PIKFYVE: variants seen among roughly 807,000 people sequenced by gnomAD.
PIKFYVE encodes 1-phosphatidylinositol 3-phosphate 5-kinase.
In PIKFYVE, 122 loss-of-function variants were observed where a neutral mutation model predicts 257.9. That is an observed-to-expected ratio of 0.47 (90% CI 0.41 to 0.55). The LOEUF is 0.55. PIKFYVE is among the 20% of genes least tolerant of loss of function. The pLI is 0.00. For synonymous variants in PIKFYVE, 892 were observed against 868.9 expected, an observed-to-expected ratio of 1.03 and a Z score of -0.47; for missense variants, 2,160 against 2,536.6, an observed-to-expected ratio of 0.85 and a Z score of 3.19.
chr2:208,291,241 G>A (rs2885786), intron 7 of PIKFYVE, among the ~76,000 whole-genome samples: 141,554 of 152,204 alleles, frequency 0.93, 66,347 homozygotes, highest in Non-Finnish European at 0.98. Flanking sequence ...TGCTTTTTCT[G>A]TATCAATGAC....
At position 208,333,853 on chromosome 2, in the gene PIKFYVE, C is replaced by T. The variant is rs575587973; in HGVS notation, c.4142+360C>T. Among the ~76,000 whole-genome samples, 4 of 152,080 alleles carry T rather than the reference C, an allele frequency of 2.6e-5. No individual in the cohort carries two copies. In the South Asian group the frequency reaches 8.3e-4, roughly 32 times the overall value. On this transcript the variant is annotated intron_variant, in intron 24 of 41. Transcript: ENST00000264380. The stretch of plus-strand genomic sequence containing the variant: ...ATATGAGACAGGATCTCACTGTTAC[C>T]CAGGCTGGTCTTGAAGTGTGCTCAA...
chr2:208,306,835 T>A (rs2125382897), intron 12 of PIKFYVE, among the ~76,000 whole-genome samples: 1 of 151,504 alleles, frequency 6.6e-6, no homozygotes, highest in East Asian at 1.9e-4. Context: ...TGGAGTGCAG[T>A]GGCGCGATCT....
intron 3 of PIKFYVE, among the ~76,000 whole-genome samples, chr2:208,275,000 G>T (rs1168835549): frequency 1.3e-5 from 2 of 152,144 alleles, no homozygotes; most frequent in Non-Finnish European, 2.9e-5. Context: ...TCTCCAGGTG[G>T]AGCCTTTACT....
At chr2:208,309,949 AAGAAGATAATTATTAAATTG>A (rs1259229343) in intron 12 of PIKFYVE, among the ~76,000 whole-genome samples, 1 of 152,248 alleles carries the variant, frequency 6.6e-6, no homozygotes, top group Non-Finnish European at 1.5e-5. Context: ...CAGCATTAGG[AAGAAGATAATTATTAAATTG>A]ACCTCTTAGG....
chr2:208,301,270 A>G (rs111981590), intron 9 of PIKFYVE, among the ~76,000 whole-genome samples, 176 bp downstream of exon 9: 120 of 152,306 alleles, frequency 7.9e-4, no homozygotes, highest in African/African-American at 2.6e-3. Flanking sequence ...TTTAACCAGC[A>G]GAGAACAGAT....
chr2:208,325,315 T>G lies in PIKFYVE; in HGVS notation c.2504T>G (p.Leu835Arg). Residue 835 changes from leucine to arginine, a missense_variant, in exon 20 of 42, where the codon CTA (leucine) becomes CGA (arginine). Leu to Arg is a moderately radical substitution (Grantham distance 102). Transcript: ENST00000264380. ...LMFFEGCPQH[L>R]GCTIKLRGGS... ...TTTTTTGAAGGTTGTCCACAGCACC[T>G]AGGCTGTACAATCAAGCTAAGAGGA... 6.2e-7 allele frequency: 1 copy of G among 1,614,160 alleles called. No individual in the cohort carries two copies.
At chr2:208,277,189 A>G (rs186385587) in intron 4 of PIKFYVE, among the ~76,000 whole-genome samples, 1 of 152,230 alleles carries the variant, frequency 6.6e-6, no homozygotes, top group Admixed American at 6.5e-5. Flanking sequence ...TTTTGAAAAG[A>G]CCATCTTTCA....
At chr2:208,324,582 G>A (rs6435445) in intron 18 of PIKFYVE, among the ~76,000 whole-genome samples, 141,842 of 152,148 alleles carry the variant, frequency 0.93, 66,600 homozygotes, top group Non-Finnish European at 0.98. Context: ...TCAAGCAGAA[G>A]ACGTTCTCTC....
chr2:208,283,068 CTCGGT>C (rs1691047245), intron 5 of PIKFYVE, among the ~76,000 whole-genome samples: 1 of 152,130 alleles, frequency 6.6e-6, no homozygotes, highest in Admixed American at 6.5e-5. Flanking sequence ...TGCTGTGCGG[CTCGGT>C]TCCTAACAGG....
rs151172579 is a variant in PIKFYVE, at chr2:208,302,308, C to T, written c.1275C>T (p.His425=). 2.2e-5 allele frequency: 35 copies of T among 1,614,108 alleles called. No individual in the cohort carries two copies. Among genetic ancestry groups the T allele is most frequent in the Admixed American group, 5.0e-5 (3 of 60,016 alleles). The change falls in exon 10 of 42, where the codon CAC becomes CAT. Residue 425 remains histidine, a synonymous_variant. Coordinates refer to ENST00000264380, the MANE Select transcript of PIKFYVE (RefSeq NM_015040.4). ...GTTGGCTGGATTGTGTTAGTCATCA[C>T]GACCAGCTTTTCAGAGATGAGTATG... is the stretch of plus-strand genomic sequence containing the variant. The part of the protein sequence containing the change: ...DGRWLDCVSH[H]DQLFRDEYAL...
chr2:208,273,916 A>AT (rs368767594), intron 3 of PIKFYVE, 183 bp downstream of exon 3: 1 of 1,415,396 alleles, frequency 7.1e-7, no homozygotes, highest in African/African-American at 1.4e-5. Flanking sequence ...GAAAGAATTT[A>AT]TTGACACCTG....
Position 208,325,524 on chromosome 2 carries a change from C to A in PIKFYVE, c.2713C>A (p.Gln905Lys). 6.2e-7 allele frequency: 1 copy of A among 1,614,174 alleles called. No individual in the cohort carries two copies. ...GRGHEGAVQE[Q>K]YGGGSIPWDP... ...AGGGCATGAGGGGGCTGTCCAAGAG[C>A]AGTACGGTGGAGGTTCCATCCCCTG... Residue 905 changes from glutamine (Q) to lysine (K), a missense_variant, in exon 20 of 42, where the codon CAG becomes AAG. Gln to Lys is a moderately conservative substitution (Grantham distance 53). This residue lies in a region of PIKFYVE where 522 missense variants were observed against 514.6 expected (regional missense o/e 1.01). Transcript: ENST00000264380.
chr2:208,281,734 C>G (rs995455943), intron 5 of PIKFYVE, among the ~76,000 whole-genome samples: 1 of 152,202 alleles, frequency 6.6e-6, no homozygotes. Context: ...AAAGAAGACT[C>G]AGAATTTTGG....
Position 208,324,942 on chromosome 2 carries a change from A to T in PIKFYVE, c.2363A>T (p.Gln788Leu). The T allele has an allele frequency of 2.5e-6, 4 of 1,614,052 alleles. No individual in the cohort carries two copies. The highest frequency in any genetic ancestry group is 3.4e-6 in the Non-Finnish European group (4 of 1,179,946). ...TTGGAACGAATCAGTCGAATGACCC[A>T]AGGTGATTTAGTGATGTCAATGGAC... The part of the protein sequence containing the change: ...QVLERISRMT[Q>L]GDLVMSMDQL... The change falls in exon 19 of 42, where the codon CAA (glutamine) becomes CTA (leucine). Residue 788 changes from glutamine (Q) to leucine (L), a missense_variant. Transcript: ENST00000264380.
intron 2 of PIKFYVE, among the ~76,000 whole-genome samples, chr2:208,273,026 G>C (rs1260064160): frequency 6.6e-6 from 1 of 152,080 alleles, no homozygotes; most frequent in Non-Finnish European, 1.5e-5. Context: ...GATCCCATTT[G>C]TCATACCACA....
chr2:208,268,423 CTTTTTTTTTT>C (rs35632672), intron 1 of PIKFYVE, among the ~76,000 whole-genome samples: 2 of 78,696 alleles, frequency 2.5e-5, no homozygotes, highest in Admixed American at 1.5e-4. Context: ...CTCCAGAGCT[CTTTTTTTTTT>C]TTTTTTTTTT....
intron 12 of PIKFYVE, 67 bp from the exon 13 acceptor site, chr2:208,312,169 T>A: frequency 8.9e-7 from 1 of 1,123,168 alleles, no homozygotes; most frequent in Non-Finnish European, 1.4e-6. Flanking sequence ...TATATAATTA[T>A]GCTGACATGT....
At chr2:208,269,843 G>A (rs937198601) in intron 1 of PIKFYVE, 5 of 287,604 alleles carry the variant, frequency 1.7e-5, no homozygotes, top group African/African-American at 4.5e-5. Flanking sequence ...TGGGGGATGG[G>A]ATAGCTGGCT....
intron 32 of PIKFYVE, 44 bp downstream of exon 32, chr2:208,342,693 T>C (rs1698822637): frequency 6.9e-7 from 1 of 1,444,216 alleles, no homozygotes; most frequent in African/African-American, 1.4e-5. Flanking sequence ...TCTATGTATT[T>C]TATGTATGTC....
Sources: gnomAD v4.1 joint callset for allele counts (sites outside exome capture counted in the v4.1 genomes callset) on GRCh38, gnomAD v4.1.1 for gene constraint, gnomAD v4.1.1 regional missense constraint, MANE v1.5 for transcripts, NCBI Gene and HGNC (gene_info 2026-07-23, HGNC 2026-07-21) for gene names.